The following PNPLA3 variants were observed in gnomAD, a reference collection of about 807,000 sequenced individuals.
The protein encoded by PNPLA3 is patatin like domain 3, 1-acylglycerol-3-phosphate O-acyltransferase, also known as 1-acylglycerol-3-phosphate O-acyltransferase PNPLA3.
PNPLA3 carries 42 observed loss-of-function variants against 43.1 expected under a neutral mutation model. The ratio of observed to expected loss-of-function variants is 0.97; its 90% confidence interval spans 0.76 to 1.26. PNPLA3 has a LOEUF of 1.26. Ranked by LOEUF, PNPLA3 falls within the 50% of genes most tolerant of loss-of-function variation. The probability of loss-of-function intolerance (pLI) is 0.00; values close to 1 mark genes in which losing one functional copy is unlikely to be tolerated. For missense variants in PNPLA3, 647 were observed against 621.4 expected, an observed-to-expected ratio of 1.04 and a Z score of -0.44; for synonymous variants, 272 against 253.6, an observed-to-expected ratio of 1.07 and a Z score of -0.69.
chr22:43,932,518 T>C (rs1050371799), intron 3 of PNPLA3, among the ~76,000 whole-genome samples: 3 of 152,206 alleles, frequency 2.0e-5, no homozygotes, highest in African/African-American at 7.2e-5. Flanking sequence ...ACCCTTTAGT[T>C]CATATGACCC....
chr22:43,931,278 A>G (rs2049960021), intron 3 of PNPLA3, among the ~76,000 whole-genome samples: 1 of 152,206 alleles, frequency 6.6e-6, no homozygotes, highest in Admixed American at 6.5e-5. Flanking sequence ...AATTCAATGC[A>G]AGCAAATTCA....
intron 6 of PNPLA3, chr22:43,939,284 C>T (rs1467359701): frequency 4.4e-6 from 3 of 688,996 alleles, no homozygotes; most frequent in South Asian, 1.3e-4. Context: ...TTTCTTAATA[C>T]AAGATGATTC....
intron 1 of PNPLA3, chr22:43,924,478 C>T (rs999589274): frequency 4.8e-6 from 1 of 209,720 alleles, no homozygotes. Flanking sequence ...CTGCGGACTC[C>T]GGGTCCCCTG....
At chr22:43,929,599 C>CT (rs201016637) in intron 3 of PNPLA3, among the ~76,000 whole-genome samples, 3,147 of 128,692 alleles carry the variant, frequency 0.024, 171 homozygotes, top group African/African-American at 0.082. Flanking sequence ...TTTTTCTTTT[C>CT]TTTTTTTTTT....
Position 43,946,383 on chromosome 22 carries a change from G to A in PNPLA3, c.*1G>A. The A allele has an allele frequency of 1.2e-5, 20 of 1,613,140 alleles. No homozygotes were observed. The highest frequency in any genetic ancestry group is 1.7e-5 in the Non-Finnish European group (20 of 1,179,128). On this transcript the variant is annotated 3_prime_UTR_variant, in exon 9 of 9. Coordinates refer to ENST00000216180, the MANE Select transcript of PNPLA3 (RefSeq NM_025225.3). The stretch of plus-strand genomic sequence containing the variant: ...TTTTTCACTAGAGAAGAGTCTGTGA[G>A]TCACTTGAGGAGGCGAGTCTAGCAG...
intron 4 of PNPLA3, 46 bp from the exon 5 acceptor site, chr22:43,934,560 G>C: frequency 6.5e-7 from 1 of 1,533,284 alleles, no homozygotes; most frequent in Non-Finnish European, 9.0e-7. Context: ...AATAAATGGT[G>C]CTTGGTGTCT....
intron 7 of PNPLA3, 62 bp downstream of exon 7, chr22:43,940,187 G>A: frequency 1.9e-6 from 3 of 1,542,338 alleles, no homozygotes; most frequent in Non-Finnish European, 1.8e-6. Context: ...GAAACAAGAT[G>A]ATAGATCATG....
Position 43,923,872 on chromosome 22 carries a change from C to G in PNPLA3, c.-40C>G, listed in dbSNP as rs144821153. 13,437 of 1,461,344 alleles carry G rather than the reference C, an allele frequency of 9.2e-3. 84 individuals carry two copies. Among genetic ancestry groups the G allele is most frequent in the Non-Finnish European group, 0.011 (12,068 of 1,111,380 alleles). The allele number at this position is 1,461,344 out of a possible 1,614,324, so 90.5% of individuals were successfully genotyped here. A position where few individuals can be genotyped will look rare whatever the true frequency, so the allele number is the denominator to read the frequency against. ...GACCCGAGCCGATTCCCGATCCCGA[C>G]CCAGATCCTAACCCGCGCCCCCGCC... On this transcript the variant is annotated 5_prime_UTR_variant, in exon 1 of 9. Transcript: ENST00000216180.
chr22:43,946,144 T>A lies in PNPLA3; in HGVS notation c.1218-10T>A. ...ACGGCCTCTAAGCCAACTTCCTCCA[T>A]GTGTTTCAGGTCCCAAATGCCAGTG... is the stretch of plus-strand genomic sequence containing the variant. On this transcript the variant is annotated splice_polypyrimidine_tract_variant and intron_variant, in intron 8 of 8. Coordinates refer to ENST00000216180, the MANE Select transcript of PNPLA3 (RefSeq NM_025225.3). The A allele has an allele frequency of 6.2e-7, 1 of 1,611,002 alleles. No individual in the cohort carries two copies. The highest frequency in any genetic ancestry group is 8.5e-7 in the Non-Finnish European group (1 of 1,177,414).
intron 3 of PNPLA3, among the ~76,000 whole-genome samples, chr22:43,931,051 C>CG (rs370333825): frequency 1.1e-3 from 174 of 152,110 alleles, no homozygotes; most frequent in African/African-American, 4.1e-3. Flanking sequence ...GGTGTGAACC[C>CG]GGGGGGCGGA....
Position 43,923,834 on chromosome 22 carries a change from T to A in PNPLA3, c.-78T>A, listed in dbSNP as rs2049901757. On this transcript the variant is annotated 5_prime_UTR_variant, in exon 1 of 9. Transcript: ENST00000216180. ...AGCGCTTGCGGGCGCCGGGCGGAGC[T>A]GCTGCGGATCAGGACCCGAGCCGAT... 2.2e-6 allele frequency: 3 copies of A among 1,357,100 alleles called. No individual in the cohort carries two copies. The Admixed American group carries it at 9.9e-5, about 45-fold the overall frequency. 84.1% of individuals were successfully genotyped at this position (1,357,100 alleles called of 1,614,324 possible).
chr22:43,923,949 C>T lies in PNPLA3; in HGVS notation c.38C>T (p.Ala13Val), dbSNP rs768596774. ...GAGCGCGGCTGGAGCTTGTCCTTCGCGGGCTGCGGCTTCCTGGGCTTCTAC... is the reference window on the plus strand; with the variant it reads ...GAGCGCGGCTGGAGCTTGTCCTTCGTGGGCTGCGGCTTCCTGGGCTTCTAC... ...DAERGWSLSF[A>V]GCGFLGFYHV... Residue 13 changes from alanine to valine, a missense_variant, in exon 1 of 9, where the codon GCG (alanine) becomes GTG (valine). Coordinates refer to ENST00000216180, the MANE Select transcript of PNPLA3 (RefSeq NM_025225.3). 7 of 1,581,052 alleles carry T rather than the reference C, an allele frequency of 4.4e-6. No homozygotes were observed. The highest frequency in any genetic ancestry group is 6.0e-6 in the Non-Finnish European group (7 of 1,172,104).
Position 43,924,020 on chromosome 22 carries a change from C to T in PNPLA3, c.109C>T (p.Leu37Phe). 3.2e-6 allele frequency: 5 copies of T among 1,582,916 alleles called. No homozygotes were observed. In the South Asian group the frequency reaches 4.5e-5, roughly 14 times the overall value. The change falls in exon 1 of 9, where the codon CTC becomes TTC. Residue 37 changes from leucine to phenylalanine, a missense_variant. Coordinates refer to ENST00000216180, the MANE Select transcript of PNPLA3 (RefSeq NM_025225.3). ...RCLSEHAPHL[L>F]RDARMLFGAS... The stretch of plus-strand genomic sequence containing the variant: ...CCTGAGCGAGCACGCCCCGCACCTC[C>T]TCCGCGACGCGCGCATGTTGTTCGG...
intron 4 of PNPLA3, among the ~76,000 whole-genome samples, chr22:43,934,176 G>A (rs2049979437): frequency 6.6e-6 from 1 of 151,972 alleles, no homozygotes; most frequent in African/African-American, 2.4e-5. Context: ...AATTACCCGG[G>A]CATGGTGGCG....
intron 1 of PNPLA3, 177 bp downstream of exon 1, chr22:43,924,275 C>A (rs1423169539): frequency 2.5e-6 from 2 of 791,990 alleles, no homozygotes; most frequent in African/African-American, 3.7e-5. Context: ...GGCGCTGTTC[C>A]TGGGCCCGGG....
intron 7 of PNPLA3, among the ~76,000 whole-genome samples, chr22:43,942,859 C>T (rs1037703207): frequency 1.3e-5 from 2 of 151,972 alleles, no homozygotes; most frequent in Non-Finnish European, 2.9e-5. Context: ...CACATCACCA[C>T]ACCCAACAAA....
chr22:43,946,198 C>G lies in PNPLA3; in HGVS notation c.1262C>G (p.Pro421Arg), dbSNP rs757406991. ...AGCCAACAGGCCTCCCCATGCACAC[C>G]TGAGCAGGACTGGCCCTGCTGGACT... ...VSSQQASPCT[P>R]EQDWPCWTPC... The change falls in exon 9 of 9, where the codon CCT becomes CGT. Residue 421 changes from proline (P) to arginine (R), a missense_variant. Physicochemically the swap from Pro to Arg is moderately radical, Grantham distance 103. Transcript: ENST00000216180. The G allele has an allele frequency of 6.2e-7, 1 of 1,614,196 alleles. No homozygotes were observed. Among genetic ancestry groups the G allele is most frequent in the East Asian group, 2.2e-5 (1 of 44,866 alleles).
chr22:43,934,458 G>A (rs2049982141), intron 4 of PNPLA3, 148 bp from the exon 5 acceptor site: 2 of 724,360 alleles, frequency 2.8e-6, no homozygotes, highest in Non-Finnish European at 4.8e-6. Context: ...AGAGCCCTTT[G>A]CTCAGCCCCC....
chr22:43,946,101 C>T (rs1041140276), intron 8 of PNPLA3, 53 bp from the exon 9 acceptor site: 69 of 1,548,318 alleles, frequency 4.5e-5, no homozygotes, highest in Middle Eastern at 3.4e-4. Context: ...GCTCAGACTG[C>T]ACACTGCAGC....
Sources: allele counts gnomAD v4.1 joint callset (sites outside exome capture counted in the v4.1 genomes callset), GRCh38; gene constraint gnomAD v4.1.1; transcripts MANE v1.5; gene names NCBI Gene and HGNC (gene_info 2026-07-23, HGNC 2026-07-21).